GPC5: variants seen among roughly 807,000 people sequenced by gnomAD.
GPC5 encodes the protein glypican 5, also known as glypican-5.
Under a neutral mutation model 53.9 loss-of-function variants are expected in GPC5, and 47 were observed. That is an observed-to-expected ratio of 0.87 (90% confidence interval 0.69 to 1.11). The LOEUF (loss-of-function observed/expected upper bound fraction) is 1.11. Ranked by LOEUF, GPC5 falls within the 50% of genes most tolerant of loss-of-function variation. The probability of loss-of-function intolerance (pLI) is 0.00; values close to 1 mark genes in which losing one functional copy is unlikely to be tolerated. For missense variants in GPC5, 748 were observed against 713.1 expected (o/e 1.05, Z -0.56); for synonymous variants, 286 against 263.3 (o/e 1.09, Z -0.84).
At chr13:92,808,174 A>G (rs529355969) in intron 7 of GPC5, among the ~76,000 whole-genome samples, 1 of 152,188 alleles carries the variant, frequency 6.6e-6, no homozygotes, top group South Asian at 2.1e-4. Context: ...CATGTGCAGC[A>G]CAAGTTTTAT....
intron 7 of GPC5, among the ~76,000 whole-genome samples, chr13:92,297,879 C>T (rs903218677): frequency 1.3e-5 from 2 of 152,080 alleles, no homozygotes; most frequent in African/African-American, 4.8e-5. Context: ...CTGTAACACT[C>T]ACCGCGAAGA....
intron 7 of GPC5, among the ~76,000 whole-genome samples, chr13:92,482,574 T>C (rs951927736): frequency 2.6e-5 from 4 of 152,126 alleles, no homozygotes; most frequent in African/African-American, 7.2e-5. Flanking sequence ...AGGGTTTTTT[T>C]CCCCCCTTAA....
intron 7 of GPC5, among the ~76,000 whole-genome samples, chr13:92,765,320 A>G (rs1381183782): frequency 2.6e-5 from 4 of 152,222 alleles, no homozygotes; most frequent in African/African-American, 9.6e-5. Context: ...AAAGTCATTA[A>G]GCCTATAAAA....
rs113359842 is a variant in GPC5, at chr13:91,576,321, G to A, written c.326-116866G>A. ...GTTTAATTTAGCCAATACACAATGTGTATATATATATATATATTGAAATCT... is the reference window on the plus strand; with the variant it reads ...GTTTAATTTAGCCAATACACAATGTATATATATATATATATATTGAAATCT... On this transcript the variant is annotated intron_variant, in intron 2 of 7. Coordinates refer to ENST00000377067, the MANE Select transcript of GPC5 (RefSeq NM_004466.6). 4.7e-3 allele frequency among the ~76,000 whole-genome samples: 543 copies of A among 115,776 alleles called. 6 individuals carry two copies. The highest frequency in any genetic ancestry group is 0.025 in the South Asian group (102 of 4,008). The allele number at this position is 115,776 out of a possible 152,430, so 76.0% of individuals were successfully genotyped here. A position where few individuals can be genotyped will look rare whatever the true frequency, so the allele number is the denominator to read the frequency against.
At chr13:92,332,147 T>C (rs2043292194) in intron 7 of GPC5, among the ~76,000 whole-genome samples, 1 of 152,198 alleles carries the variant, frequency 6.6e-6, no homozygotes, top group Admixed American at 6.6e-5. Flanking sequence ...AACTTTGAAA[T>C]CCTTCAGATT....
intron 2 of GPC5, among the ~76,000 whole-genome samples, chr13:91,512,739 A>G (rs890323399): frequency 6.6e-6 from 1 of 152,174 alleles, no homozygotes; most frequent in Non-Finnish European, 1.5e-5. Context: ...GCCTTCATTA[A>G]TGGTGGAATC....
At chr13:92,220,342 C>G (rs1458456506) in intron 7 of GPC5, among the ~76,000 whole-genome samples, 1 of 152,132 alleles carries the variant, frequency 6.6e-6, no homozygotes, top group African/African-American at 2.4e-5. Flanking sequence ...TAATCTGAAA[C>G]CATGTTTGAG....
chr13:91,435,114 A>C (rs1879813058), intron 1 of GPC5, among the ~76,000 whole-genome samples: 1 of 152,158 alleles, frequency 6.6e-6, no homozygotes, highest in Admixed American at 6.6e-5. Flanking sequence ...TTCTAGATAT[A>C]CAATCATGTC....
chr13:92,602,702 C>G (rs1247436031), intron 7 of GPC5, among the ~76,000 whole-genome samples: 1 of 152,068 alleles, frequency 6.6e-6, no homozygotes, highest in African/African-American at 2.4e-5. Flanking sequence ...CTTCTAACAA[C>G]CAATTCCAAG....
At chr13:92,096,293 G>C (rs1403834101) in intron 6 of GPC5, among the ~76,000 whole-genome samples, 1 of 152,208 alleles carries the variant, frequency 6.6e-6, no homozygotes, top group Non-Finnish European at 1.5e-5. Flanking sequence ...TTCATGCAAT[G>C]ACTTCTTGCC....
At chr13:92,564,183 T>C (rs1049548022) in intron 7 of GPC5, among the ~76,000 whole-genome samples, 17 of 152,016 alleles carry the variant, frequency 1.1e-4, no homozygotes, top group African/African-American at 3.9e-4. Context: ...CTTCCAGTGC[T>C]AGTTGTTCAA....
At chr13:92,375,562 A>G (rs1395735042) in intron 7 of GPC5, among the ~76,000 whole-genome samples, 3 of 152,180 alleles carry the variant, frequency 2.0e-5, no homozygotes, top group East Asian at 1.9e-4. Context: ...TCGCTGTATC[A>G]ATCATAGCTC....
intron 7 of GPC5, among the ~76,000 whole-genome samples, chr13:92,629,069 C>T (rs948551700): frequency 5.9e-5 from 9 of 152,126 alleles, no homozygotes; most frequent in Non-Finnish European, 1.3e-4. Context: ...CTTTTGCTTC[C>T]ACAGTGGCCC....
intron 7 of GPC5, among the ~76,000 whole-genome samples, chr13:92,553,214 T>C (rs1882379341): frequency 6.6e-6 from 1 of 151,996 alleles, no homozygotes; most frequent in East Asian, 1.9e-4. Flanking sequence ...ACCTGTTAGA[T>C]AATACTGACT....
chr13:91,947,473 C>G (rs757637364), intron 6 of GPC5, among the ~76,000 whole-genome samples: 6 of 152,058 alleles, frequency 3.9e-5, no homozygotes, highest in African/African-American at 1.4e-4. Flanking sequence ...CTCCAGTTTT[C>G]GACTTCATAA....
chr13:92,847,039 T>C (rs1357328383), intron 7 of GPC5, among the ~76,000 whole-genome samples: 1 of 152,182 alleles, frequency 6.6e-6, no homozygotes, highest in Non-Finnish European at 1.5e-5. Context: ...CCATTTACTC[T>C]TATTCCATTG....
intron 2 of GPC5, among the ~76,000 whole-genome samples, chr13:91,606,987 C>A (rs1454345983): frequency 2.0e-5 from 3 of 151,078 alleles, no homozygotes; most frequent in African/African-American, 7.3e-5. Flanking sequence ...TTATTTCTTG[C>A]CTTCTGCTAG....
chr13:92,691,642 T>A (rs1158093788), intron 7 of GPC5, among the ~76,000 whole-genome samples: 1 of 152,246 alleles, frequency 6.6e-6, no homozygotes, highest in East Asian at 1.9e-4. Context: ...AATGACCATA[T>A]TAGATTTATT....
chr13:92,031,722 TA>T (rs2040845182), intron 6 of GPC5, among the ~76,000 whole-genome samples: 1 of 65,752 alleles, frequency 1.5e-5, no homozygotes, highest in Non-Finnish European at 2.9e-5. Context: ...TACATATATG[TA>T]ATATATTACA....
Sources: allele counts gnomAD v4.1 joint callset (sites outside exome capture counted in the v4.1 genomes callset), GRCh38; gene constraint gnomAD v4.1.1; transcripts MANE v1.5; gene names NCBI Gene and HGNC (gene_info 2026-07-23, HGNC 2026-07-21).